The following DNHD1 variants were observed in gnomAD, a reference collection of about 807,000 sequenced individuals.
DNHD1 encodes the protein dynein heavy chain domain 1, also known as dynein heavy chain domain-containing protein 1.
In DNHD1, 383 loss-of-function variants were observed where a neutral mutation model predicts 458.1. The observed-to-expected ratio is 0.84, with a 90% CI of 0.77 to 0.91. The LOEUF is 0.91. Ranked by LOEUF, DNHD1 falls within the 40% of genes least tolerant of loss-of-function variation. The pLI, the probability that DNHD1 is intolerant of heterozygous loss-of-function variation, is 0.00. For missense variants in DNHD1, 5,336 were observed against 5,866.1 expected, an observed-to-expected ratio of 0.91 and a Z score of 2.95; for synonymous variants, 2,203 against 2,376.9, an observed-to-expected ratio of 0.93 and a Z score of 2.13.
At chr11:6,524,845 C>T (rs935664768) in intron 10 of DNHD1, among the ~76,000 whole-genome samples, 1 of 152,164 alleles carries the variant, frequency 6.6e-6, no homozygotes, top group Non-Finnish European at 1.5e-5. Context: ...CATGATGCAG[C>T]TAGATTCAGC....
At position 6,546,103 on chromosome 11, in the gene DNHD1, C is replaced by T. The variant is rs1413353098; in HGVS notation, c.5164C>T (p.Leu1722=). 6.4e-7 allele frequency: 1 copy of T among 1,551,600 alleles called. No individual in the cohort carries two copies. Among genetic ancestry groups the T allele is most frequent in the Admixed American group, 2.0e-5 (1 of 51,012 alleles). Residue 1722 remains leucine (L), a synonymous_variant, in exon 21 of 43, where the codon CTG becomes TTG. Transcript: ENST00000254579. ...CTCACCTCAGATAGAGGCTCAATGC[C>T]TGAGCAACTATCTGAATGGTGCCCT... The part of the protein sequence containing the change: ...PCSPQIEAQC[L]SNYLNGALQG...
At chr11:6,500,122 G>A (rs185766162) in intron 3 of DNHD1, among the ~76,000 whole-genome samples, 1 of 152,084 alleles carries the variant, frequency 6.6e-6, no homozygotes, top group African/African-American at 2.4e-5. Context: ...ATGCCACCAC[G>A]CTCAGCTGAT....
At chr11:6,551,088 C>T (rs954769601) in intron 24 of DNHD1, among the ~76,000 whole-genome samples, 1 of 152,106 alleles carries the variant, frequency 6.6e-6, no homozygotes, top group Non-Finnish European at 1.5e-5. Context: ...CAAGATAGAC[C>T]ATATGCTGGG....
Position 6,509,065 on chromosome 11 carries a change from T to A in DNHD1, c.1106T>A (p.Leu369Ter), listed in dbSNP as rs1437079920. Residue 369 changes from leucine (L) to a stop codon, truncating the protein, a stop_gained, in exon 5 of 43, where the codon TTA becomes TAA. Coordinates refer to ENST00000254579, the MANE Select transcript of DNHD1 (RefSeq NM_144666.3). LOFTEE classifies it high-confidence loss of function. ...QFIPFFKYCL[L>*]RKSFTCWKKN... ...ATTCCATTCTTTAAGTATTGCCTCT[T>A]ACGCAAGTCCTTTACCTGGTAGGTA... is the stretch of plus-strand genomic sequence containing the variant. The A allele has an allele frequency of 1.9e-6, 3 of 1,614,098 alleles. No individual in the cohort carries two copies. The highest frequency in any genetic ancestry group is 2.5e-6 in the Non-Finnish European group (3 of 1,180,038).
chr11:6,534,128 G>A lies in DNHD1; in HGVS notation c.2953G>A (p.Val985Ile), dbSNP rs1852889807. Residue 985 changes from valine to isoleucine, a missense_variant, in exon 14 of 43, where the codon GTC becomes ATC. Val to Ile is a conservative substitution (Grantham distance 29). Around this residue, in one of 4 missense-constraint regions of DNHD1, gnomAD observed 3,932 missense variants for 4,365.6 expected, o/e 0.90. Coordinates refer to ENST00000254579, the MANE Select transcript of DNHD1 (RefSeq NM_144666.3). ...CCTAGAGCGTCAGTTCCAGAACACAGTCAGCGACCTCAGTGAACTGCACCA... is the reference window on the plus strand; with the variant it reads ...CCTAGAGCGTCAGTTCCAGAACACAATCAGCGACCTCAGTGAACTGCACCA... ...VSLERQFQNT[V>I]SDLSELHHAY... 1.3e-6 allele frequency: 2 copies of A among 1,551,258 alleles called. No individual in the cohort carries two copies. The highest frequency in any genetic ancestry group is 2.4e-5 in the East Asian group (1 of 40,898).
Position 6,546,327 on chromosome 11 carries a change from T to C in DNHD1, c.5388T>C (p.Ser1796=). Residue 1796 remains serine, a synonymous_variant, in exon 21 of 43, where the codon TCT becomes TCC. Transcript: ENST00000254579. The part of the protein sequence containing the change: ...GSSFFEKHHV[S]VRLGYGCLLV... Reference sequence around the variant, plus strand: ...GCTTCTTTGAAAAACATCACGTGTCTGTGCGCCTTGGCTATGGCTGTCTCC... The same window carrying C: ...GCTTCTTTGAAAAACATCACGTGTCCGTGCGCCTTGGCTATGGCTGTCTCC... 1 of 1,552,406 alleles carries C rather than the reference T, an allele frequency of 6.4e-7. No homozygotes were observed. Among genetic ancestry groups the C allele is most frequent in the Non-Finnish European group, 8.7e-7 (1 of 1,147,156 alleles).
At chr11:6,549,285 G>A (rs946599794) in intron 24 of DNHD1, among the ~76,000 whole-genome samples, 1 of 152,144 alleles carries the variant, frequency 6.6e-6, no homozygotes, top group African/African-American at 2.4e-5. Context: ...TGTCCTCTTA[G>A]TTTCACCATC....
At chr11:6,514,353 C>T (rs986812539) in intron 7 of DNHD1, among the ~76,000 whole-genome samples, 7 of 152,146 alleles carry the variant, frequency 4.6e-5, no homozygotes, top group African/African-American at 1.7e-4. Context: ...ATTCATCTGC[C>T]TTGGCTTCCC....
chr11:6,513,870 G>T (rs1852397824), intron 7 of DNHD1, among the ~76,000 whole-genome samples: 1 of 151,570 alleles, frequency 6.6e-6, no homozygotes, highest in African/African-American at 2.4e-5. Flanking sequence ...TTGAGACGGA[G>T]TCTCATTCTG....
chr11:6,540,114 G>A (rs1442193712), intron 18 of DNHD1, 31 bp downstream of exon 18: 59 of 1,539,990 alleles, frequency 3.8e-5, no homozygotes, highest in Non-Finnish European at 5.1e-5. Flanking sequence ...CCTAGTGAAA[G>A]CCCCCTGCTG....
At position 6,571,912 on chromosome 11, in the gene DNHD1, C is replaced by T. The variant is rs773763751; in HGVS notation, c.14188C>T (p.Pro4730Ser). The T allele has an allele frequency of 6.2e-7, 1 of 1,613,990 alleles. No homozygotes were observed. The highest frequency in any genetic ancestry group is 8.5e-7 in the Non-Finnish European group (1 of 1,179,886). Residue 4730 changes from proline to serine, a missense_variant, in exon 43 of 43, where the codon CCT becomes TCT. By Grantham distance (74) the Pro-to-Ser change is moderately conservative. This residue lies in a region of DNHD1 where 698 missense variants were observed against 664.9 expected (regional missense o/e 1.05). Coordinates refer to ENST00000254579, the MANE Select transcript of DNHD1 (RefSeq NM_144666.3). This position sits in a 1 kb window ranked among gnomAD's most constrained non-coding sequence, Gnocchi z 5.0. Reference sequence around the variant, plus strand: ...GAGCAGGAACATCGTGATGCATCTGCCTTTACCCACCAAGCTCACCCCCAA... The same window carrying T: ...GAGCAGGAACATCGTGATGCATCTGTCTTTACCCACCAAGCTCACCCCCAA... ...LQSRNIVMHL[P>S]LPTKLTPNTC...
In DNHD1 at chr11:6,548,506, GAT is replaced by G; in HGVS notation, c.7098+109_7098+110del. ...TGAGGCCCACTTGCTCCCTTTCTTT[GAT>G]ATATTTTCACAATCACAAGAATACA... is the stretch of plus-strand genomic sequence containing the variant. On this transcript the variant is annotated intron_variant, in intron 23 of 42. Transcript: ENST00000254579. This position sits in a 1 kb window ranked among gnomAD's most constrained non-coding sequence, Gnocchi z 4.4. 1.4e-6 allele frequency: 2 copies of G among 1,458,858 alleles called. No homozygotes were observed. Among genetic ancestry groups the G allele is most frequent in the Non-Finnish European group, 1.9e-6 (2 of 1,079,606 alleles). The allele number at this position is 1,458,858 out of a possible 1,614,324, so 90.4% of individuals were successfully genotyped here. A position where few individuals can be genotyped will look rare whatever the true frequency, so the allele number is the denominator to read the frequency against.
chr11:6,534,913 ATTTTTGTAT>A (rs1343880818), intron 14 of DNHD1, among the ~76,000 whole-genome samples: 1 of 152,016 alleles, frequency 6.6e-6, no homozygotes, highest in Non-Finnish European at 1.5e-5. Context: ...TGCCTGGCTA[ATTTTTGTAT>A]TTTTTGTAGA....
Position 6,545,796 on chromosome 11 carries a change from C to T in DNHD1, c.4857C>T (p.Pro1619=). The T allele has an allele frequency of 6.4e-7, 1 of 1,551,854 alleles. No individual in the cohort carries two copies. ...LGSPHIIPKS[P]LQSLKTIASS... ...CACCTCACATAATCCCCAAAAGCCC[C>T]CTACAGAGTCTTAAGACTATTGCAT... is the stretch of plus-strand genomic sequence containing the variant. The change falls in exon 21 of 43, where the codon CCC becomes CCT. Residue 1619 remains proline (P), a synonymous_variant. Coordinates refer to ENST00000254579, the MANE Select transcript of DNHD1 (RefSeq NM_144666.3). The surrounding 1 kb of genome is among the most constrained non-coding windows in gnomAD (Gnocchi z 4.9).
rs77903271 is a variant in DNHD1, at chr11:6,554,061, C to A, written c.7388-2622C>A. Among the ~76,000 whole-genome samples, 55 of 152,122 alleles carry A rather than the reference C, an allele frequency of 3.6e-4. No individual in the cohort carries two copies. In the East Asian group the frequency reaches 0.01, roughly 28 times the overall value. ...ACTTTGAAAAAGAACAAAGTTGGGA[C>A]ACCTACACTAGTGATGTTAAAACTT... On this transcript the variant is annotated intron_variant, in intron 24 of 42. Transcript: ENST00000254579.
Position 6,534,015 on chromosome 11 carries a change from A to T in DNHD1, c.2840A>T (p.Glu947Val), listed in dbSNP as rs1852887312. 10 of 1,551,628 alleles carry T rather than the reference A, an allele frequency of 6.4e-6. No homozygotes were observed. The highest frequency in any genetic ancestry group is 8.7e-6 in the Non-Finnish European group (10 of 1,146,964). The change falls in exon 14 of 43, where the codon GAG (glutamate) becomes GTG (valine). Residue 947 changes from glutamate to valine, a missense_variant. Glu to Val is a moderately radical substitution (Grantham distance 121, BLOSUM62 -2). Coordinates refer to ENST00000254579, the MANE Select transcript of DNHD1 (RefSeq NM_144666.3). ...CAGCTGATGGCAGCAGCATTGGCAG[A>T]GCTGGAAGGCCTGCTTGCGAAGGCC... is the stretch of plus-strand genomic sequence containing the variant. ...LQQLMAAALA[E>V]LEGLLAKALS...
chr11:6,520,383 T>A (rs927292077), intron 10 of DNHD1, 94 bp downstream of exon 10: 2 of 1,546,752 alleles, frequency 1.3e-6, no homozygotes, highest in African/African-American at 2.7e-5. Flanking sequence ...AGGTCCAGGC[T>A]ATAGAGTCAG....
chr11:6,508,812 C>T, intron 4 of DNHD1, 68 bp from the exon 5 acceptor site: 1 of 1,487,730 alleles, frequency 6.7e-7, no homozygotes, highest in Non-Finnish European at 9.3e-7. Flanking sequence ...CTCCTGTATC[C>T]TCCTTTGGTC....
At chr11:6,523,142 A>G (rs1852637005) in intron 10 of DNHD1, among the ~76,000 whole-genome samples, 1 of 152,244 alleles carries the variant, frequency 6.6e-6, no homozygotes. Context: ...TATTTGTGGT[A>G]AGATAAATCT....
Sources: allele counts gnomAD v4.1 joint callset (sites outside exome capture counted in the v4.1 genomes callset), GRCh38; gene constraint gnomAD v4.1.1; regional missense constraint gnomAD v4.1.1; non-coding constraint Gnocchi (gnomAD v3.1); transcripts MANE v1.5; gene names NCBI Gene and HGNC (gene_info 2026-07-23, HGNC 2026-07-21).